TMEM132D: variants seen among roughly 807,000 people sequenced by gnomAD.
TMEM132D encodes mature OL transmembrane protein.
A neutral mutation model predicts 62.3 loss-of-function variants in TMEM132D; 21 were observed. That is an observed-to-expected ratio of 0.34 (90% CI 0.24 to 0.49). The LOEUF is 0.49. TMEM132D is among the 20% of genes least tolerant of loss of function. The pLI, the probability that TMEM132D is intolerant of heterozygous loss-of-function variation, is 0.99. For missense variants in TMEM132D, 1,346 were observed against 1,402.8 expected (o/e 0.96, Z 0.65); for synonymous variants, 621 against 575.6 (o/e 1.08, Z -1.13).
Position 129,641,524 on chromosome 12 carries a change from G to A in TMEM132D, c.968+58286C>T, listed in dbSNP as rs576873483. Among the ~76,000 whole-genome samples the A allele has an allele frequency of 1.5e-4, 23 of 152,278 alleles. No homozygotes were observed. The South Asian group carries it at 2.3e-3, about 15-fold the overall frequency. On this transcript the variant is annotated intron_variant, in intron 2 of 8. Coordinates refer to ENST00000422113, the MANE Select transcript of TMEM132D (RefSeq NM_133448.3). ...CACAAGGTGCTACTAACGCACATCCGTACAACTTCCAAAACTAGTCCAGGT... is the reference window on the plus strand; with the variant it reads ...CACAAGGTGCTACTAACGCACATCCATACAACTTCCAAAACTAGTCCAGGT...
intron 2 of TMEM132D, among the ~76,000 whole-genome samples, chr12:129,593,836 A>AT (rs35050891): frequency 0.52 from 78,893 of 151,306 alleles, 20,742 homozygotes; most frequent in African/African-American, 0.6. Context: ...CTTGACATGT[A>AT]TTTTTTTTAA....
At chr12:129,579,134 A>T (rs866665754) in intron 2 of TMEM132D, among the ~76,000 whole-genome samples, 1 of 152,228 alleles carries the variant, frequency 6.6e-6, no homozygotes, top group Non-Finnish European at 1.5e-5. Context: ...ACAATTTTCC[A>T]AGGGAAAAAT....
chr12:129,747,208 T>TCCCGCTCCTTCTC (rs1565971582), intron 1 of TMEM132D, among the ~76,000 whole-genome samples: 1 of 26,120 alleles, frequency 3.8e-5, no homozygotes, highest in Non-Finnish European at 1.1e-4. Context: ...TCCTTCTTAC[T>TCCCGCTCCTTCTC]CCTCCTTCCA....
intron 2 of TMEM132D, among the ~76,000 whole-genome samples, chr12:129,593,410 TA>T (rs1346979461): frequency 6.6e-6 from 1 of 152,216 alleles, no homozygotes; most frequent in Non-Finnish European, 1.5e-5. Context: ...GAAAGACAAG[TA>T]AAACTGGTCA....
chr12:129,832,035 CTTTTTT>C (rs71085577), intron 1 of TMEM132D, among the ~76,000 whole-genome samples: 12 of 94,172 alleles, frequency 1.3e-4, no homozygotes, highest in Admixed American at 7.4e-4. Flanking sequence ...ATGCCCGGCT[CTTTTTT>C]TTTTTTTTTT....
chr12:129,624,707 T>C (rs778324379), intron 2 of TMEM132D, among the ~76,000 whole-genome samples: 3 of 152,066 alleles, frequency 2.0e-5, no homozygotes, highest in Non-Finnish European at 2.9e-5. Flanking sequence ...AGCAAAAGAG[T>C]CCATGCTGTG....
chr12:129,207,397 A>G (rs907124437), intron 5 of TMEM132D, among the ~76,000 whole-genome samples: 4 of 152,066 alleles, frequency 2.6e-5, no homozygotes, highest in African/African-American at 9.7e-5. Flanking sequence ...CTGTGAATAC[A>G]TAAACGTATG....
At chr12:129,581,006 C>A (rs1248705935) in intron 2 of TMEM132D, among the ~76,000 whole-genome samples, 1 of 152,222 alleles carries the variant, frequency 6.6e-6, no homozygotes, top group Non-Finnish European at 1.5e-5. Context: ...TCTGACCCTC[C>A]AAACTTCATG....
intron 2 of TMEM132D, among the ~76,000 whole-genome samples, chr12:129,537,066 G>T (rs1328899863): frequency 6.7e-6 from 1 of 149,838 alleles, no homozygotes; most frequent in Non-Finnish European, 1.5e-5. Context: ...AGGCTGAGAC[G>T]GGAGAATTGC....
chr12:129,663,235 T>G (rs1327140371), intron 2 of TMEM132D, among the ~76,000 whole-genome samples: 1 of 152,148 alleles, frequency 6.6e-6, no homozygotes, highest in African/African-American at 2.4e-5. Flanking sequence ...CCTCCTGGGT[T>G]CAAGCGATTC....
At chr12:129,460,183 C>T (rs1359899752) in intron 3 of TMEM132D, among the ~76,000 whole-genome samples, 1 of 152,106 alleles carries the variant, frequency 6.6e-6, no homozygotes. Flanking sequence ...CCCAGTGACC[C>T]CAAATGTTAA....
At chr12:129,628,125 T>G (rs1879268076) in intron 2 of TMEM132D, among the ~76,000 whole-genome samples, 2 of 152,000 alleles carry the variant, frequency 1.3e-5, no homozygotes, top group South Asian at 4.1e-4. Flanking sequence ...AGAAATCATT[T>G]GGTAAATGAG....
rs538353549 is a variant in TMEM132D, at chr12:129,195,106, T to C, written c.1443+14414A>G. Among the ~76,000 whole-genome samples the C allele has an allele frequency of 9.2e-5, 14 of 151,974 alleles. No homozygotes were observed. The East Asian group carries it at 1.4e-3, about 15-fold the overall frequency. On this transcript the variant is annotated intron_variant, in intron 5 of 8. Coordinates refer to ENST00000422113, the MANE Select transcript of TMEM132D (RefSeq NM_133448.3). ...TGGTGATAAGTTCTATGAAAAAACA[T>C]AGGGCAGGGAAGAAGGATGGGGAAT...
At chr12:129,734,766 G>T (rs1869366284) in intron 1 of TMEM132D, among the ~76,000 whole-genome samples, 1 of 152,114 alleles carries the variant, frequency 6.6e-6, no homozygotes, top group African/African-American at 2.4e-5. Flanking sequence ...AAACTCTAAA[G>T]TATTGGAGAA....
chr12:129,272,802 T>C (rs191211602), intron 4 of TMEM132D, among the ~76,000 whole-genome samples: 1 of 151,768 alleles, frequency 6.6e-6, no homozygotes, highest in Non-Finnish European at 1.5e-5. Context: ...GGCTCACGCC[T>C]GTAATCCCAG....
At chr12:129,204,716 A>T (rs1037146087) in intron 5 of TMEM132D, among the ~76,000 whole-genome samples, 10 of 152,196 alleles carry the variant, frequency 6.6e-5, no homozygotes, top group African/African-American at 2.4e-4. Flanking sequence ...CGTCCCCAAG[A>T]CACAATCATC....
intron 5 of TMEM132D, among the ~76,000 whole-genome samples, chr12:129,117,029 G>A (rs1242887614): frequency 6.6e-6 from 1 of 151,478 alleles, no homozygotes; most frequent in Non-Finnish European, 1.5e-5. Flanking sequence ...GTAGGTGAAT[G>A]GATAAATAAA....
intron 3 of TMEM132D, among the ~76,000 whole-genome samples, chr12:129,397,438 G>T (rs578056526): frequency 6.6e-6 from 1 of 152,212 alleles, no homozygotes; most frequent in Non-Finnish European, 1.5e-5. Flanking sequence ...TAAACTTTCT[G>T]ACGAACACCG....
intron 3 of TMEM132D, among the ~76,000 whole-genome samples, chr12:129,461,282 G>T (rs952359582): frequency 1.3e-5 from 2 of 152,144 alleles, no homozygotes; most frequent in African/African-American, 2.4e-5. Flanking sequence ...GAAGGACCCA[G>T]AAAGGGGACT....
Sources: allele counts gnomAD v4.1 joint callset (sites outside exome capture counted in the v4.1 genomes callset), GRCh38; gene constraint gnomAD v4.1.1; transcripts MANE v1.5; gene names NCBI Gene and HGNC (gene_info 2026-07-23, HGNC 2026-07-21).